Variants in ATP8A1 observed in about 807,000 individuals in gnomAD.
ATP8A1 encodes the protein ATPase phospholipid transporting 8A1.
Under a neutral mutation model 177.7 loss-of-function variants are expected in ATP8A1, and 90 were observed. The ratio of observed to expected loss-of-function variants is 0.51; its 90% CI spans 0.43 to 0.60. ATP8A1 has a LOEUF of 0.60. Among genes scored for constraint, ATP8A1 ranks in the 20% least tolerant of loss-of-function variants. The probability of loss-of-function intolerance (pLI) is 0.00; values close to 1 mark genes in which losing one functional copy is unlikely to be tolerated. For missense variants in ATP8A1, 1,072 were observed against 1,392.8 expected, an observed-to-expected ratio of 0.77 and a Z score of 3.67; for synonymous variants, 493 against 485.9, an observed-to-expected ratio of 1.01 and a Z score of -0.19.
chr4:42,496,482 A>G (rs1273658111), intron 24 of ATP8A1, among the ~76,000 whole-genome samples: 1 of 152,150 alleles, frequency 6.6e-6, no homozygotes, highest in Admixed American at 6.5e-5. Context: ...ATTACCTTCA[A>G]TTCAGCCAGG....
intron 24 of ATP8A1, among the ~76,000 whole-genome samples, chr4:42,497,429 G>T (rs539072010): frequency 6.6e-6 from 1 of 152,170 alleles, no homozygotes; most frequent in African/African-American, 2.4e-5. Flanking sequence ...ACAAACTTGT[G>T]GGGGAGAATG....
At chr4:42,527,155 A>G (rs923623205) in intron 20 of ATP8A1, among the ~76,000 whole-genome samples, 5 of 152,198 alleles carry the variant, frequency 3.3e-5, no homozygotes, top group Non-Finnish European at 1.5e-5. Context: ...TGAGTCTCAA[A>G]TCTGCTAAGA....
At chr4:42,465,754 C>T (rs1047781417) in intron 25 of ATP8A1, among the ~76,000 whole-genome samples, 4 of 151,986 alleles carry the variant, frequency 2.6e-5, no homozygotes, top group East Asian at 1.9e-4. Context: ...TAGGACTGGC[C>T]GGGTGAGGTG....
At chr4:42,507,757 T>TAAAAAAAA (rs1724542751) in intron 22 of ATP8A1, among the ~76,000 whole-genome samples, 5 of 7,440 alleles carry the variant, frequency 6.7e-4, no homozygotes, top group Non-Finnish European at 7.9e-4. Context: ...AAAAAAAAAG[T>TAAAAAAAA]CAGTTAAAAA....
At chr4:42,459,776 TA>T (rs33975712) in intron 27 of ATP8A1, among the ~76,000 whole-genome samples, 8,521 of 152,174 alleles carry the variant, frequency 0.056, 296 homozygotes, top group African/African-American at 0.088. Context: ...CATATTAGGT[TA>T]TTTTTTTAAT....
intron 31 of ATP8A1, among the ~76,000 whole-genome samples, 154 bp downstream of exon 31, chr4:42,446,429 T>A (rs1717261453): frequency 6.6e-6 from 1 of 152,164 alleles, no homozygotes; most frequent in South Asian, 2.1e-4. Context: ...TAAGACCCCA[T>A]TATAAGCCCT....
Position 42,549,754 on chromosome 4 carries a change from G to A in ATP8A1, c.1603-692C>T, listed in dbSNP as rs538452611. On this transcript the variant is annotated intron_variant, in intron 18 of 36. Transcript: ENST00000381668. ...TTCAAGGCTATGGTTAGCTATGACT[G>A]CACCACTGCACTCCAGCCTGGGTGA... is the stretch of plus-strand genomic sequence containing the variant. Among the ~76,000 whole-genome samples, 5 of 152,072 alleles carry A rather than the reference G, an allele frequency of 3.3e-5. No individual in the cohort carries two copies. The East Asian group carries it at 5.8e-4, about 18-fold the overall frequency.
chr4:42,516,882 G>A (rs1286978816), intron 22 of ATP8A1, among the ~76,000 whole-genome samples: 2 of 152,146 alleles, frequency 1.3e-5, no homozygotes, highest in Non-Finnish European at 2.9e-5. Flanking sequence ...CCTGGCTCCT[G>A]ATATATTAAA....
intron 9 of ATP8A1, among the ~76,000 whole-genome samples, chr4:42,585,336 T>G (rs1006847628): frequency 6.6e-6 from 1 of 151,722 alleles, no homozygotes; most frequent in Non-Finnish European, 1.5e-5. Flanking sequence ...TTTGTATGTT[T>G]GCCATTACCT....
chr4:42,577,763 A>G (rs950780229), intron 12 of ATP8A1, among the ~76,000 whole-genome samples: 4 of 152,190 alleles, frequency 2.6e-5, no homozygotes, highest in African/African-American at 9.6e-5. Flanking sequence ...ATAACATGAT[A>G]TAACATGATA....
At chr4:42,594,340 A>G in intron 6 of ATP8A1, 1 of 1,598,290 alleles carries the variant, frequency 6.3e-7, no homozygotes, top group Non-Finnish European at 8.6e-7. Context: ...GCCTTTTATT[A>G]TAACTATATC....
chr4:42,633,950 G>T (rs977668617), intron 1 of ATP8A1, among the ~76,000 whole-genome samples: 6 of 152,178 alleles, frequency 3.9e-5, no homozygotes, highest in Non-Finnish European at 8.8e-5. Flanking sequence ...GAATGAGCTT[G>T]GCATTTCCAG....
chr4:42,442,132 C>G (rs1716706592), intron 33 of ATP8A1, among the ~76,000 whole-genome samples: 3 of 152,192 alleles, frequency 2.0e-5, no homozygotes, highest in Admixed American at 2.0e-4. Flanking sequence ...GTCATCAAAC[C>G]TATTGGCCAC....
intron 1 of ATP8A1, among the ~76,000 whole-genome samples, chr4:42,651,004 T>C (rs1300266864): frequency 6.6e-6 from 1 of 152,168 alleles, no homozygotes; most frequent in African/African-American, 2.4e-5. Flanking sequence ...AGGAGGAAAC[T>C]GAATCATGGG....
intron 27 of ATP8A1, among the ~76,000 whole-genome samples, chr4:42,457,612 A>G (rs1718627995): frequency 6.6e-6 from 1 of 152,206 alleles, no homozygotes. Flanking sequence ...TGCATTTGCA[A>G]TCATCAATAC....
chr4:42,482,572 C>T (rs913232552), intron 25 of ATP8A1, among the ~76,000 whole-genome samples: 1 of 152,116 alleles, frequency 6.6e-6, no homozygotes. Flanking sequence ...ATGTCTGCTG[C>T]CTGGGAACAA....
intron 6 of ATP8A1, among the ~76,000 whole-genome samples, chr4:42,598,635 T>C (rs1371257652): frequency 1.3e-5 from 2 of 152,200 alleles, no homozygotes; most frequent in African/African-American, 4.8e-5. Flanking sequence ...GAATATGACA[T>C]ACTTGTAAAT....
chr4:42,560,293 T>C (rs1730685199), intron 15 of ATP8A1, among the ~76,000 whole-genome samples: 2 of 152,080 alleles, frequency 1.3e-5, no homozygotes, highest in Admixed American at 1.3e-4. Flanking sequence ...GCAGGGGAAA[T>C]GGAGGGCTCT....
At chr4:42,429,996 G>C (rs1715088577) in intron 33 of ATP8A1, among the ~76,000 whole-genome samples, 1 of 152,162 alleles carries the variant, frequency 6.6e-6, no homozygotes, top group Non-Finnish European at 1.5e-5. Flanking sequence ...TGTTTAACAG[G>C]TATGAGGTTT....
Sources: allele counts gnomAD v4.1 joint callset (sites outside exome capture counted in the v4.1 genomes callset), GRCh38; gene constraint gnomAD v4.1.1; transcripts MANE v1.5; gene names NCBI Gene and HGNC (gene_info 2026-07-23, HGNC 2026-07-21).